PCDHGA3: variants seen among roughly 807,000 people sequenced by gnomAD.
The protein encoded by PCDHGA3 is protocadherin gamma subfamily A, 3, also known as protocadherin gamma-A3.
In PCDHGA3, 40 loss-of-function variants were observed where a neutral mutation model predicts 58.5. The observed-to-expected ratio is 0.68, with a 90% CI of 0.53 to 0.89. The LOEUF (loss-of-function observed/expected upper bound fraction) is 0.89. Among genes scored for constraint, PCDHGA3 ranks in the 40% least tolerant of loss-of-function variants. PCDHGA3 has a pLI of 0.00. For synonymous variants in PCDHGA3, 530 were observed against 525.7 expected, an observed-to-expected ratio of 1.01 and a Z score of -0.11; for missense variants, 1,223 against 1,195.9, an observed-to-expected ratio of 1.02 and a Z score of -0.33.
chr5:141,390,157 G>A, intron 1 of PCDHGA3: 3 of 1,614,020 alleles, frequency 1.9e-6, no homozygotes, highest in Middle Eastern at 3.3e-4. Context: ...GCACATACAG[G>A]AAAGACGGAG....
intron 1 of PCDHGA3, chr5:141,364,431 C>A (rs1210490734): frequency 6.2e-7 from 1 of 1,613,754 alleles, no homozygotes; most frequent in Admixed American, 1.7e-5. Flanking sequence ...ATCCGCTACT[C>A]GATGCCGGAG....
At chr5:141,379,296 G>T (rs537053500) in intron 1 of PCDHGA3, 18 of 152,178 alleles carry the variant, frequency 1.2e-4, no homozygotes, top group African/African-American at 4.1e-4. Flanking sequence ...GTTTCCAAAG[G>T]TATATACCTA....
intron 1 of PCDHGA3, chr5:141,371,677 G>A (rs751155238): frequency 1.9e-6 from 3 of 1,613,896 alleles, no homozygotes; most frequent in Non-Finnish European, 2.5e-6. Context: ...ACCGACAAAG[G>A]CAATCCACCG....
intron 1 of PCDHGA3, chr5:141,366,594 A>T: frequency 6.2e-7 from 1 of 1,614,242 alleles, no homozygotes; most frequent in South Asian, 1.1e-5. Context: ...ACCTATTCCC[A>T]CGAGGTCTCC....
At chr5:141,388,952 G>GGAC in intron 1 of PCDHGA3, 1 of 1,614,022 alleles carries the variant, frequency 6.2e-7, no homozygotes, top group Non-Finnish European at 8.5e-7. Flanking sequence ...TAATTATGGA[G>GGAC]GACGCCGAGC....
chr5:141,503,598 CAAA>C (rs765754054), intron 2 of PCDHGA3, among the ~76,000 whole-genome samples: 9 of 65,742 alleles, frequency 1.4e-4, no homozygotes, highest in Admixed American at 3.4e-4. Context: ...GACTCCAGCT[CAAA>C]AAAAAAAAAA....
intron 3 of PCDHGA3, among the ~76,000 whole-genome samples, chr5:141,507,673 G>A (rs184362608): frequency 6.6e-5 from 10 of 152,368 alleles, no homozygotes; most frequent in Admixed American, 2.6e-4. Context: ...AAATCCAGAT[G>A]TTAAAAACAG....
rs544861406 is a variant in PCDHGA3, at chr5:141,356,918, C to G, written c.2424+10461C>G. 6.6e-5 allele frequency: 107 copies of G among 1,614,210 alleles called. 2 individuals are homozygous for G. The Admixed American group carries it at 1.4e-3, about 21-fold the overall frequency. On this transcript the variant is annotated intron_variant, in intron 1 of 3. Transcript: ENST00000253812. ...CCCACCTTCCCTACTGATGGCTCCA[C>G]TGGTGTGGAGCTGGCACCCCGCTCC...
At chr5:141,374,003 C>T (rs1160076904) in intron 1 of PCDHGA3, 2 of 1,320,324 alleles carry the variant, frequency 1.5e-6, no homozygotes, top group African/African-American at 3.0e-5. Flanking sequence ...GGACCTTCAC[C>T]GCTATTTCTG....
At chr5:141,393,115 G>A (rs1342924521) in intron 1 of PCDHGA3, 1 of 1,613,438 alleles carries the variant, frequency 6.2e-7, no homozygotes. Context: ...CAGAGCCCGC[G>A]GTGTCTGATA....
At chr5:141,400,250 C>T (rs2093990136) in intron 1 of PCDHGA3, 1 of 1,614,066 alleles carries the variant, frequency 6.2e-7, no homozygotes, top group Non-Finnish European at 8.5e-7. Flanking sequence ...CTGGCCGTTG[C>T]CTTGCGCCTG....
chr5:141,476,952 T>A lies in PCDHGA3; in HGVS notation c.2425-17855T>A, dbSNP rs1463851594. On this transcript the variant is annotated intron_variant, in intron 1 of 3. Transcript: ENST00000253812. This position sits in a 1 kb window ranked among gnomAD's most constrained non-coding sequence, Gnocchi z 7.6. ...CTGGATGAAGGCCCCAACGGTGAAA[T>A]TATTTACTCCTTCGGCAGCCACAAC... 1 of 1,614,052 alleles carries A rather than the reference T, an allele frequency of 6.2e-7. No individual in the cohort carries two copies. Among genetic ancestry groups the A allele is most frequent in the Non-Finnish European group, 8.5e-7 (1 of 1,180,038 alleles).
rs778744503 is a variant in PCDHGA3, at chr5:141,511,152, G to C, written c.2778G>C (p.Ser926=). 2 of 1,614,140 alleles carry C rather than the reference G, an allele frequency of 1.2e-6. No individual in the cohort carries two copies. Among genetic ancestry groups the C allele is most frequent in the South Asian group, 2.2e-5 (2 of 91,086 alleles). The change falls in exon 4 of 4, where the codon TCG becomes TCC. Residue 926 remains serine, a synonymous_variant. Coordinates refer to ENST00000253812, the MANE Select transcript of PCDHGA3 (RefSeq NM_018916.4). ...PAGGNGNKKK[S]GKKEKK ...GTGGCAATGGCAACAAGAAGAAGTC[G>C]GGCAAGAAGGAGAAGAAGTAACATG...
chr5:141,491,322 C>T lies in PCDHGA3; in HGVS notation c.2425-3485C>T. 6.2e-7 allele frequency: 1 copy of T among 1,614,156 alleles called. No individual in the cohort carries two copies. Among genetic ancestry groups the T allele is most frequent in the East Asian group, 2.2e-5 (1 of 44,860 alleles). On this transcript the variant is annotated intron_variant, in intron 1 of 3. Coordinates refer to ENST00000253812, the MANE Select transcript of PCDHGA3 (RefSeq NM_018916.4). This position sits in a 1 kb window ranked among gnomAD's most constrained non-coding sequence, Gnocchi z 6.9. ...AGCGTTCAGACCTTACCCTTTACCT[C>T]ATTGTGGCTCTAGCGACCGTCAGTC...
intron 1 of PCDHGA3, among the ~76,000 whole-genome samples, chr5:141,439,161 C>T (rs1384707803): frequency 6.6e-6 from 1 of 150,850 alleles, no homozygotes; most frequent in Non-Finnish European, 1.5e-5. Flanking sequence ...CCACTGCACT[C>T]CAGCCTGGGC....
In PCDHGA3 at chr5:141,346,235, T is replaced by C. The variant is rs747921761; in HGVS notation, c.2202T>C (p.Ser734=). The C allele has an allele frequency of 3.3e-5, 53 of 1,614,070 alleles. No homozygotes were observed. In the African/African-American group the frequency reaches 6.5e-4, roughly 20 times the overall value. ...AGGCTTCGGGAGGCGGCTTGGCGAG[T>C]ACGCCCGGCTCGCACTTTGTGGGCG... is the stretch of plus-strand genomic sequence containing the variant. ...LLQASGGGLA[S]TPGSHFVGAD... is the part of the protein sequence containing the mutation. The change falls in exon 1 of 4, where the codon AGT becomes AGC. Residue 734 remains serine, a synonymous_variant. Coordinates refer to ENST00000253812, the MANE Select transcript of PCDHGA3 (RefSeq NM_018916.4).
At chr5:141,421,119 C>A (rs542039688) in intron 1 of PCDHGA3, 2 of 772,768 alleles carry the variant, frequency 2.6e-6, no homozygotes, top group South Asian at 1.9e-5. Flanking sequence ...TATTTTCCTT[C>A]GCTTTCTGAT....
At chr5:141,356,734 G>A (rs781480636) in intron 1 of PCDHGA3, 1 of 1,613,990 alleles carries the variant, frequency 6.2e-7, no homozygotes. Flanking sequence ...CTCCAATACA[G>A]GGATCCTATA....
Position 141,491,732 on chromosome 5 carries a change from C to G in PCDHGA3, c.2425-3075C>G. ...GGCTCGGCGCCGCCCCGGGCGACCC[C>G]TGGGGGCGGCACTGGAGAAGCCGCC... On this transcript the variant is annotated intron_variant, in intron 1 of 3. Coordinates refer to ENST00000253812, the MANE Select transcript of PCDHGA3 (RefSeq NM_018916.4). This position sits in a 1 kb window ranked among gnomAD's most constrained non-coding sequence, Gnocchi z 6.9. The G allele has an allele frequency of 1.2e-6, 2 of 1,602,752 alleles. No individual in the cohort carries two copies. Among genetic ancestry groups the G allele is most frequent in the Non-Finnish European group, 1.7e-6 (2 of 1,175,308 alleles).
Sources: gnomAD v4.1 joint callset for allele counts (sites outside exome capture counted in the v4.1 genomes callset) on GRCh38, gnomAD v4.1.1 for gene constraint, Gnocchi (gnomAD v3.1) non-coding constraint, MANE v1.5 for transcripts, NCBI Gene and HGNC (gene_info 2026-07-23, HGNC 2026-07-21) for gene names.